Variants in PSMB2 observed in about 807,000 individuals in gnomAD.
The protein encoded by PSMB2 is proteasome 20S subunit beta 2.
In PSMB2, 13 loss-of-function variants were observed where a neutral mutation model predicts 25.7. The ratio of observed to expected loss-of-function variants is 0.51; its 90% CI spans 0.33 to 0.80. PSMB2 has a LOEUF of 0.80. PSMB2 is among the 30% of genes least tolerant of loss of function. The pLI, the probability that PSMB2 is intolerant of heterozygous loss-of-function variation, is 0.02. For synonymous variants in PSMB2, 87 were observed against 96.2 expected (o/e 0.90, Z 0.56); for missense variants, 202 against 259.0 (o/e 0.78, Z 1.51).
rs1266904324 is a variant in PSMB2, at chr1:35,600,214, C to T, written c.*3053G>A. On this transcript the variant is annotated 3_prime_UTR_variant, in exon 6 of 6. Coordinates refer to ENST00000373237, the MANE Select transcript of PSMB2 (RefSeq NM_002794.5). The stretch of plus-strand genomic sequence containing the variant: ...TGTAGAAATGCCAGAACTTGGTGGC[C>T]ATGTAGAGACAGGAGATAAAGAATG... 3.0e-6 allele frequency: 3 copies of T among 985,106 alleles called. No individual in the cohort carries two copies. The South Asian group carries it at 1.4e-4, about 46-fold the overall frequency. 61.0% of individuals were successfully genotyped at this position (985,106 alleles called of 1,614,324 possible).
At chr1:35,631,466 A>G (rs1651095400) in intron 2 of PSMB2, 122 bp from the exon 3 acceptor site, 3 of 1,519,230 alleles carry the variant, frequency 2.0e-6, no homozygotes, top group African/African-American at 2.8e-5. Context: ...TAAACAAAGC[A>G]TAGACTGAGG....
chr1:35,615,764 G>A (rs929430287), intron 3 of PSMB2, among the ~76,000 whole-genome samples: 1 of 152,224 alleles, frequency 6.6e-6, no homozygotes, highest in African/African-American at 2.4e-5. Flanking sequence ...ACTGCTATGA[G>A]TGAGGTGCTT....
At chr1:35,633,309 T>C (rs1295692729) in intron 2 of PSMB2, among the ~76,000 whole-genome samples, 1 of 151,890 alleles carries the variant, frequency 6.6e-6, no homozygotes, top group East Asian at 1.9e-4. Flanking sequence ...CCACTGAAGA[T>C]CTGACCATTA....
At chr1:35,625,864 T>A (rs1285596782) in intron 3 of PSMB2, among the ~76,000 whole-genome samples, 3 of 151,446 alleles carry the variant, frequency 2.0e-5, no homozygotes, top group Non-Finnish European at 4.4e-5. Context: ...TTAGACAGAG[T>A]CTTGCTCTGT....
rs1030376799 is a variant in PSMB2, at chr1:35,600,150, C to A, written c.*3117G>T. On this transcript the variant is annotated 3_prime_UTR_variant, in exon 6 of 6. Transcript: ENST00000373237. ...GGAGCAAGACCCTGTCTCTGAAAAACAACAATAAAAAATTATAATAAAATT... is the reference window on the plus strand; with the variant it reads ...GGAGCAAGACCCTGTCTCTGAAAAAAAACAATAAAAAATTATAATAAAATT... The A allele has an allele frequency of 2.1e-6, 2 of 975,216 alleles. No homozygotes were observed. Among genetic ancestry groups the A allele is most frequent in the African/African-American group, 3.5e-5 (2 of 56,972 alleles). 60.4% of individuals were successfully genotyped at this position (975,216 alleles called of 1,614,324 possible).
rs932273897 is a variant in PSMB2, at chr1:35,600,016, G to A, written c.*3251C>T. The A allele has an allele frequency of 7.5e-5, 43 of 570,710 alleles. No homozygotes were observed. In the Middle Eastern group the frequency reaches 3.7e-3, roughly 49 times the overall value. 35.4% of individuals were successfully genotyped at this position (570,710 alleles called of 1,614,324 possible). ...CTGGGTGCAGTGGTGCACCCCTCTA[G>A]TCCCAGCTAGTTGGGAGGCTGGGGT... is the stretch of plus-strand genomic sequence containing the variant. On this transcript the variant is annotated 3_prime_UTR_variant, in exon 6 of 6. Coordinates refer to ENST00000373237, the MANE Select transcript of PSMB2 (RefSeq NM_002794.5).
In PSMB2 at chr1:35,599,836, G is replaced by T; in HGVS notation, c.*3431C>A. On this transcript the variant is annotated 3_prime_UTR_variant, in exon 6 of 6. Transcript: ENST00000373237. ...GGTGAACCAGAGTAATGGGGATGGA[G>T]ATTTATAAAGATTAGGCTGGGTGCA... 1.0e-6 allele frequency: 1 copy of T among 985,036 alleles called. No homozygotes were observed. The highest frequency in any genetic ancestry group is 1.2e-6 in the Non-Finnish European group (1 of 829,620). 61.0% of individuals were successfully genotyped at this position (985,036 alleles called of 1,614,324 possible).
rs1203454775 is a variant in PSMB2 at position 35,631,362 on chromosome 1, G to T, written c.215-18C>A. On this transcript the variant is annotated intron_variant, in intron 2 of 5. Transcript: ENST00000373237. ...TTCATATCCTGGTAGAAGAGATAAA[G>T]AGTCATACTTAAAGTAAAGCAGAAG... is the stretch of plus-strand genomic sequence containing the variant. 6.2e-7 allele frequency: 1 copy of T among 1,613,352 alleles called. No individual in the cohort carries two copies. The highest frequency in any genetic ancestry group is 2.2e-5 in the East Asian group (1 of 44,880).
chr1:35,629,682 C>T (rs1217345768), intron 3 of PSMB2, among the ~76,000 whole-genome samples: 1 of 151,908 alleles, frequency 6.6e-6, no homozygotes, highest in East Asian at 1.9e-4. Flanking sequence ...TGGTGGTGCA[C>T]ACCTGTAGTC....
intron 3 of PSMB2, among the ~76,000 whole-genome samples, chr1:35,625,218 A>G (rs1416136611): frequency 6.6e-6 from 1 of 152,220 alleles, no homozygotes; most frequent in Non-Finnish European, 1.5e-5. Context: ...ATAGGTAAAA[A>G]GATAAATTAC....
At chr1:35,631,503 C>T (rs1005093313) in intron 2 of PSMB2, 159 bp from the exon 3 acceptor site, 1 of 1,438,414 alleles carries the variant, frequency 7.0e-7, no homozygotes, top group African/African-American at 1.4e-5. Flanking sequence ...AGTCCCTTTC[C>T]TCATGCAACA....
intron 1 of PSMB2, among the ~76,000 whole-genome samples, chr1:35,637,198 A>G (rs964381543): frequency 1.3e-5 from 2 of 152,242 alleles, no homozygotes; most frequent in Admixed American, 1.3e-4. Flanking sequence ...ATATATGAAA[A>G]GGACTGGTGC....
At chr1:35,631,159 G>C in intron 3 of PSMB2, 115 bp downstream of exon 3, 5 of 897,440 alleles carry the variant, frequency 5.6e-6, no homozygotes, top group Non-Finnish European at 9.0e-6. Flanking sequence ...GTAGCAACAG[G>C]AGGGGTTCTG....
chr1:35,604,052 G>T (rs970597505), intron 5 of PSMB2, among the ~76,000 whole-genome samples: 13 of 150,562 alleles, frequency 8.6e-5, no homozygotes, highest in Non-Finnish European at 1.6e-4. Flanking sequence ...AAAGCGGGGG[G>T]TGGGGTGGGC....
chr1:35,608,024 C>T (rs376468666), intron 4 of PSMB2, among the ~76,000 whole-genome samples: 1 of 152,284 alleles, frequency 6.6e-6, no homozygotes, highest in South Asian at 2.1e-4. Flanking sequence ...ATAGAGGATA[C>T]TAGAGGCTGA....
chr1:35,634,329 T>C (rs1464517645), intron 2 of PSMB2, among the ~76,000 whole-genome samples: 5 of 152,154 alleles, frequency 3.3e-5, no homozygotes, highest in Non-Finnish European at 7.4e-5. Context: ...ACATAAAAAA[T>C]AGTAAAGCCA....
chr1:35,616,485 C>T (rs1326578092), intron 3 of PSMB2, among the ~76,000 whole-genome samples: 2 of 152,324 alleles, frequency 1.3e-5, no homozygotes, highest in East Asian at 1.9e-4. Flanking sequence ...ACACTATAGC[C>T]TCAAACTCCT....
rs977763132 is a variant in PSMB2 at position 35,620,645 on chromosome 1, G to A, written c.285+10629C>T. On this transcript the variant is annotated intron_variant, in intron 3 of 5. Transcript: ENST00000373237. ...CAGGAGGCTGAGGCAGGAGAATGGC[G>A]TGAACCCGGGAGGCAGAGCTTGCAG... Among the ~76,000 whole-genome samples the A allele has an allele frequency of 1.6e-3, 236 of 150,338 alleles. 3 individuals are homozygous for A. Among genetic ancestry groups the A allele is most frequent in the African/African-American group, 5.2e-3 (215 of 40,964 alleles).
At chr1:35,625,778 A>C (rs1009224041) in intron 3 of PSMB2, among the ~76,000 whole-genome samples, 7 of 151,884 alleles carry the variant, frequency 4.6e-5, no homozygotes, top group Non-Finnish European at 7.4e-5. Context: ...AAAAAAGAAA[A>C]GAAATAGCCC....
Sources: gnomAD v4.1 joint callset for allele counts (sites outside exome capture counted in the v4.1 genomes callset) on GRCh38, gnomAD v4.1.1 for gene constraint, MANE v1.5 for transcripts, NCBI Gene and HGNC (gene_info 2026-07-23, HGNC 2026-07-21) for gene names.